Variants in CACNB2 observed in about 807,000 individuals in gnomAD.
CACNB2 encodes the protein voltage-dependent L-type calcium channel subunit beta-2.
Under a neutral mutation model 73.3 loss-of-function variants are expected in CACNB2, and 42 were observed. The observed-to-expected ratio is 0.57, with a 90% CI of 0.45 to 0.74. CACNB2 has a LOEUF of 0.74. Among genes scored for constraint, CACNB2 ranks in the 30% least tolerant of loss-of-function variants. The pLI is 0.00. For missense variants in CACNB2, 940 were observed against 853.0 expected, an observed-to-expected ratio of 1.10 and a Z score of -1.27; for synonymous variants, 348 against 310.3, an observed-to-expected ratio of 1.12 and a Z score of -1.28.
At chr10:18,506,057 G>A (rs2050473483) in intron 5 of CACNB2, among the ~76,000 whole-genome samples, 1 of 152,160 alleles carries the variant, frequency 6.6e-6, no homozygotes, top group African/African-American at 2.4e-5. Context: ...AATAAAATAA[G>A]CCTAAAACAG....
In CACNB2 at chr10:18,442,960, ATATATATATGTGTATATATATATATG is replaced by A. The variant is rs1288071846; in HGVS notation, c.333+40927_333+40952del. On this transcript the variant is annotated intron_variant, in intron 3 of 13. Transcript: ENST00000324631. Reference sequence around the variant, plus strand: ...TATATATGTGTATATATATATATGTATATATATATGTGTATATATATATATGTATATATATATGTGTATATATATAT... The same window carrying A: ...TATATATGTGTATATATATATATGTATATATATATATGTGTATATATATAT... Among the ~76,000 whole-genome samples the A allele has an allele frequency of 4.6e-3, 142 of 30,776 alleles. 17 individuals are homozygous for A. The highest frequency in any genetic ancestry group is 5.4e-3 in the Non-Finnish European group (117 of 21,488). 20.2% of individuals were successfully genotyped at this position (30,776 alleles called of 152,430 possible). A position where few individuals can be genotyped will look rare whatever the true frequency, so the allele number is the denominator to read the frequency against.
intron 2 of CACNB2, chr10:18,260,977 A>T: frequency 7.5e-7 from 1 of 1,342,142 alleles, no homozygotes; most frequent in Non-Finnish European, 9.6e-7. Flanking sequence ...TACTTCCGGA[A>T]AATTAATGCT....
intron 2 of CACNB2, among the ~76,000 whole-genome samples, chr10:18,357,169 T>A (rs2041956068): frequency 6.7e-6 from 1 of 149,008 alleles, no homozygotes; most frequent in Non-Finnish European, 1.5e-5. Flanking sequence ...GGTCTCGATC[T>A]CCTGACCTCG....
At chr10:18,207,510 G>A (rs2035145683) in intron 2 of CACNB2, among the ~76,000 whole-genome samples, 1 of 152,158 alleles carries the variant, frequency 6.6e-6, no homozygotes. Context: ...GATAAGGTGG[G>A]GTGGGGGAGA....
At chr10:18,515,066 T>C (rs1309033477) in intron 7 of CACNB2, 5 of 1,572,582 alleles carry the variant, frequency 3.2e-6, no homozygotes, top group African/African-American at 1.3e-5. Context: ...TTGTCATATA[T>C]AAATATTCTC....
intron 2 of CACNB2, among the ~76,000 whole-genome samples, chr10:18,220,201 GTA>G (rs773942256): frequency 0.052 from 1,196 of 23,132 alleles, 31 homozygotes; most frequent in Middle Eastern, 0.13. Context: ...ATATGTGTGT[GTA>G]TATATATATA....
At chr10:18,156,496 T>C (rs1233902615) in intron 2 of CACNB2, among the ~76,000 whole-genome samples, 1 of 152,160 alleles carries the variant, frequency 6.6e-6, no homozygotes, top group East Asian at 1.9e-4. Context: ...GCCTTTGGGG[T>C]AAGGGCTGAG....
chr10:18,497,744 A>C (rs1438689727), intron 3 of CACNB2, among the ~76,000 whole-genome samples: 2 of 152,190 alleles, frequency 1.3e-5, no homozygotes, highest in Non-Finnish European at 2.9e-5. Context: ...TAAAATTTCA[A>C]AGCATCAAAT....
chr10:18,459,515 G>A (rs986134076), intron 3 of CACNB2, among the ~76,000 whole-genome samples: 1 of 152,186 alleles, frequency 6.6e-6, no homozygotes, highest in Non-Finnish European at 1.5e-5. Context: ...CTGCCAGTTA[G>A]GAGCTAAGAA....
At chr10:18,311,211 A>T (rs901423695) in intron 2 of CACNB2, among the ~76,000 whole-genome samples, 1 of 152,022 alleles carries the variant, frequency 6.6e-6, no homozygotes, top group African/African-American at 2.4e-5. Context: ...TTATTTTCCA[A>T]ATATCTGCTT....
chr10:18,206,791 T>C (rs1157053143), intron 2 of CACNB2: 1 of 152,248 alleles, frequency 6.6e-6, no homozygotes, highest in African/African-American at 2.4e-5. Context: ...GGCTCCATTT[T>C]TCGCTGGAAG....
At chr10:18,469,801 T>C (rs895798374) in intron 3 of CACNB2, among the ~76,000 whole-genome samples, 1 of 152,166 alleles carries the variant, frequency 6.6e-6, no homozygotes, top group African/African-American at 2.4e-5. Context: ...TAGTTACTAA[T>C]AAAAATAAAT....
At chr10:18,520,693 C>A (rs2051779321) in intron 9 of CACNB2, among the ~76,000 whole-genome samples, 1 of 152,190 alleles carries the variant, frequency 6.6e-6, no homozygotes, top group South Asian at 2.1e-4. Context: ...GCTGCTCTTC[C>A]CTCGCTCATT....
chr10:18,498,645 C>A lies in CACNB2; in HGVS notation c.456+168C>A, dbSNP rs537082463. ...CTCAACCTCTGCTAATATAAATATA[C>A]CTTTTAAAGTGGAAAGAAGTCACAG... On this transcript the variant is annotated intron_variant, in intron 4 of 13. Coordinates refer to ENST00000324631, the MANE Select transcript of CACNB2 (RefSeq NM_201596.3). The A allele has an allele frequency of 1.7e-5, 12 of 696,298 alleles. No individual in the cohort carries two copies. In the African/African-American group the frequency reaches 2.0e-4, roughly 11 times the overall value. The allele number at this position is 696,298 out of a possible 1,614,324, so 43.1% of individuals were successfully genotyped here. A position where few individuals can be genotyped will look rare whatever the true frequency, so the allele number is the denominator to read the frequency against.
At chr10:18,412,955 T>A (rs1239042103) in intron 3 of CACNB2, among the ~76,000 whole-genome samples, 1 of 152,102 alleles carries the variant, frequency 6.6e-6, no homozygotes, top group Non-Finnish European at 1.5e-5. Flanking sequence ...CATGTTTTAT[T>A]TTATTGTGTT....
intron 2 of CACNB2, among the ~76,000 whole-genome samples, chr10:18,154,525 T>C (rs1053603708): frequency 6.6e-6 from 1 of 152,082 alleles, no homozygotes; most frequent in African/African-American, 2.4e-5. Context: ...TGGAGTGCGG[T>C]GGCCTGATCT....
At chr10:18,350,906 C>T (rs548292676) in intron 2 of CACNB2, among the ~76,000 whole-genome samples, 28 of 152,300 alleles carry the variant, frequency 1.8e-4, no homozygotes, top group African/African-American at 6.5e-4. Context: ...CTCCTGAGCT[C>T]AAGCCGTCAT....
chr10:18,371,169 G>A (rs1220600885), intron 2 of CACNB2, among the ~76,000 whole-genome samples: 1 of 151,646 alleles, frequency 6.6e-6, no homozygotes, highest in Non-Finnish European at 1.5e-5. Context: ...TTAAACATGT[G>A]CATATTTCTG....
chr10:18,220,226 TATATATAG>T (rs1234283017), intron 2 of CACNB2, among the ~76,000 whole-genome samples: 298 of 45,626 alleles, frequency 6.5e-3, no homozygotes, highest in Admixed American at 6.5e-3. Flanking sequence ...TATATATATA[TATATATAG>T]AGAGAGAGAG....
Sources: gnomAD v4.1 joint callset for allele counts (sites outside exome capture counted in the v4.1 genomes callset) on GRCh38, gnomAD v4.1.1 for gene constraint, MANE v1.5 for transcripts, NCBI Gene and HGNC (gene_info 2026-07-23, HGNC 2026-07-21) for gene names.